ITPRID1: variants seen among roughly 807,000 people sequenced by gnomAD.
The protein encoded by ITPRID1 is ITPR interacting domain containing 1, also known as protein ITPRID1.
In ITPRID1, 96 loss-of-function variants were observed where a neutral mutation model predicts 95.4. The observed-to-expected ratio is 1.01, with a 90% CI of 0.85 to 1.19. ITPRID1 has a LOEUF of 1.19. ITPRID1 is among the 50% of genes most tolerant of loss of function. ITPRID1 has a pLI of 0.00. For missense variants in ITPRID1, 1,339 were observed against 1,252.9 expected, an observed-to-expected ratio of 1.07 and a Z score of -1.04; for synonymous variants, 510 against 453.6, an observed-to-expected ratio of 1.12 and a Z score of -1.58.
At chr7:31,597,625 A>G (rs1433622740) in intron 10 of ITPRID1, among the ~76,000 whole-genome samples, 2 of 152,172 alleles carry the variant, frequency 1.3e-5, no homozygotes, top group African/African-American at 4.8e-5. Flanking sequence ...ACTATGTCTT[A>G]TAAAGGATAA....
chr7:31,529,733 G>A, intron 1 of ITPRID1: 1 of 1,527,372 alleles, frequency 6.5e-7, no homozygotes. Flanking sequence ...CATTCAAGGA[G>A]ACAAAAAGGC....
chr7:31,610,238 G>C (rs1786806745), intron 10 of ITPRID1, among the ~76,000 whole-genome samples: 2 of 151,570 alleles, frequency 1.3e-5, no homozygotes, highest in South Asian at 4.1e-4. Flanking sequence ...GTTGAGAAAT[G>C]TAAGTATTCT....
chr7:31,616,354 A>C (rs1409933609), intron 10 of ITPRID1, among the ~76,000 whole-genome samples: 1 of 152,108 alleles, frequency 6.6e-6, no homozygotes, highest in Non-Finnish European at 1.5e-5. Context: ...TATTGATTTC[A>C]ATAATCAGAT....
At chr7:31,593,005 T>C (rs757285933) in intron 10 of ITPRID1, among the ~76,000 whole-genome samples, 4 of 152,208 alleles carry the variant, frequency 2.6e-5, no homozygotes, top group Admixed American at 6.5e-5. Context: ...CAAAATTTCA[T>C]TTAAGAATTA....
intron 13 of ITPRID1, among the ~76,000 whole-genome samples, chr7:31,651,736 T>G (rs1790971179): frequency 6.6e-6 from 1 of 151,468 alleles, no homozygotes; most frequent in Admixed American, 6.6e-5. Context: ...GCTCTTAAAA[T>G]AGGGGAACTA....
intron 10 of ITPRID1, among the ~76,000 whole-genome samples, chr7:31,603,786 C>T (rs189494422): frequency 1.0e-3 from 154 of 152,296 alleles, no homozygotes; most frequent in African/African-American, 3.6e-3. Context: ...CCCCCACAAT[C>T]GCCCAATTTT....
intron 10 of ITPRID1, among the ~76,000 whole-genome samples, chr7:31,629,027 GGC>G (rs1218452628): frequency 6.6e-6 from 1 of 151,914 alleles, no homozygotes; most frequent in East Asian, 1.9e-4. Flanking sequence ...CAAAAAAATT[GGC>G]GTTACAAAAT....
intron 10 of ITPRID1, among the ~76,000 whole-genome samples, chr7:31,619,417 A>G (rs1787583339): frequency 1.3e-5 from 2 of 152,182 alleles, no homozygotes. Flanking sequence ...TTAGTTTTCT[A>G]TGTAACATGT....
chr7:31,595,345 T>TACACAC lies in ITPRID1; in HGVS notation c.1228+12177_1228+12182dup, dbSNP rs58632355. On this transcript the variant is annotated intron_variant, in intron 10 of 14. Transcript: ENST00000615280. Reference sequence around the variant, plus strand: ...CAGGTGTGAGCCACCATGCCCGGCCTACACACACACACACACACACACACA... The same window carrying TACACAC: ...CAGGTGTGAGCCACCATGCCCGGCCTACACACACACACACACACACACACACACACA... Among the ~76,000 whole-genome samples, 1,102 of 147,132 alleles carry TACACAC rather than the reference T, an allele frequency of 7.5e-3. 5 individuals carry two copies. Among genetic ancestry groups the TACACAC allele is most frequent in the South Asian group, 0.037 (170 of 4,596 alleles).
chr7:31,620,671 A>G (rs1294257402), intron 10 of ITPRID1, among the ~76,000 whole-genome samples: 1 of 151,562 alleles, frequency 6.6e-6, no homozygotes, highest in Non-Finnish European at 1.5e-5. Context: ...AAAACAGAAC[A>G]GAAAAACTGG....
intron 2 of ITPRID1, among the ~76,000 whole-genome samples, chr7:31,552,574 C>A (rs1784316472): frequency 6.6e-6 from 1 of 152,144 alleles, no homozygotes; most frequent in African/African-American, 2.4e-5. Context: ...AGAAATGAGA[C>A]TGAGCCAAGC....
At chr7:31,568,017 T>A (rs929281545) in intron 5 of ITPRID1, among the ~76,000 whole-genome samples, 1 of 151,942 alleles carries the variant, frequency 6.6e-6, no homozygotes, top group Admixed American at 6.6e-5. Context: ...TCCCAGCTAC[T>A]TGGGAGGCTG....
At chr7:31,642,103 A>G in intron 10 of ITPRID1, 73 bp from the exon 11 acceptor site, 1 of 1,022,564 alleles carries the variant, frequency 9.8e-7, no homozygotes. Flanking sequence ...TCAGGCACCT[A>G]GAGGGGTTGA....
intron 1 of ITPRID1, among the ~76,000 whole-genome samples, chr7:31,530,084 A>G (rs890272247): frequency 2.0e-5 from 3 of 152,156 alleles, no homozygotes; most frequent in African/African-American, 7.2e-5. Flanking sequence ...GGCTGCCATT[A>G]ACATGGAAAG....
At chr7:31,527,742 A>ACAG (rs1783467369) in intron 1 of ITPRID1, among the ~76,000 whole-genome samples, 1 of 152,160 alleles carries the variant, frequency 6.6e-6, no homozygotes, top group Admixed American at 6.6e-5. Context: ...AACAAAAACA[A>ACAG]CAGCAGCAGC....
chr7:31,574,576 A>G lies in ITPRID1; in HGVS notation c.432A>G (p.Pro144=). 1 of 1,613,946 alleles carries G rather than the reference A, an allele frequency of 6.2e-7. No individual in the cohort carries two copies. Among genetic ancestry groups the G allele is most frequent in the Middle Eastern group, 1.7e-4 (1 of 6,058 alleles). ...PEWLEFWEID[P]VEILLDLGFG... ...GGCTGGAATTTTGGGAGATAGATCC[A>G]GTGGAGATTCTCTTGGATCTGGGGT... Residue 144 remains proline, a synonymous_variant, in exon 8 of 15, where the codon CCA becomes CCG. Transcript: ENST00000615280.
chr7:31,648,391 A>AT (rs1046947060), intron 12 of ITPRID1, among the ~76,000 whole-genome samples: 4 of 151,874 alleles, frequency 2.6e-5, no homozygotes, highest in Non-Finnish European at 5.9e-5. Flanking sequence ...GTTTTTATTT[A>AT]TTTTTTTTCT....
At chr7:31,614,985 A>C (rs1787067921) in intron 10 of ITPRID1, among the ~76,000 whole-genome samples, 1 of 152,162 alleles carries the variant, frequency 6.6e-6, no homozygotes, top group South Asian at 2.1e-4. Flanking sequence ...CCAAGGGATT[A>C]ATTTATTTTT....
intron 10 of ITPRID1, among the ~76,000 whole-genome samples, chr7:31,592,541 C>T (rs1785910717): frequency 6.6e-6 from 1 of 152,152 alleles, no homozygotes; most frequent in Admixed American, 6.5e-5. Flanking sequence ...GTAGTTTTTC[C>T]ATGGACTAAG....
Sources: gnomAD v4.1 joint callset for allele counts (sites outside exome capture counted in the v4.1 genomes callset) on GRCh38, gnomAD v4.1.1 for gene constraint, MANE v1.5 for transcripts, NCBI Gene and HGNC (gene_info 2026-07-23, HGNC 2026-07-21) for gene names.